HK2: variants seen among roughly 807,000 people sequenced by gnomAD.
HK2 encodes the protein hexokinase 2.
HK2 carries 42 observed loss-of-function variants against 92.9 expected under a neutral mutation model. The observed-to-expected ratio is 0.45, with a 90% CI of 0.35 to 0.58. The LOEUF (loss-of-function observed/expected upper bound fraction) is 0.58. Among genes scored for constraint, HK2 ranks in the 20% least tolerant of loss-of-function variants. The pLI is 0.00. For synonymous variants in HK2, 422 were observed against 468.0 expected (o/e 0.90, Z 1.27); for missense variants, 978 against 1,245.1 (o/e 0.79, Z 3.23).
At chr2:74,875,957 G>T (rs910640501) in intron 7 of HK2, among the ~76,000 whole-genome samples, 2 of 152,154 alleles carry the variant, frequency 1.3e-5, no homozygotes, top group Non-Finnish European at 2.9e-5. Context: ...GACAATTTTT[G>T]TCCCCTCTAA....
intron 2 of HK2, among the ~76,000 whole-genome samples, chr2:74,858,051 C>T (rs1688733966): frequency 1.3e-5 from 2 of 152,186 alleles, no homozygotes; most frequent in Non-Finnish European, 2.9e-5. Flanking sequence ...GAAACCAAAC[C>T]CCAGATCTAG....
rs779361952 is a variant in HK2 at position 74,890,791 on chromosome 2, T to C, written c.2610-6T>C. ...TTTTCCTGTGTCTTCCTCCCACCTT[T>C]TCCAGCTTTGCCAAAGTCATGCATG... is the stretch of plus-strand genomic sequence containing the variant. On this transcript the variant is annotated splice_region_variant and splice_polypyrimidine_tract_variant and intron_variant, in intron 17 of 17. Coordinates refer to ENST00000290573, the MANE Select transcript of HK2 (RefSeq NM_000189.5). 6.2e-7 allele frequency: 1 copy of C among 1,614,190 alleles called. No individual in the cohort carries two copies. Among genetic ancestry groups the C allele is most frequent in the East Asian group, 2.2e-5 (1 of 44,886 alleles).
intron 1 of HK2, among the ~76,000 whole-genome samples, chr2:74,841,320 G>C (rs1423276410): frequency 1.3e-5 from 2 of 151,634 alleles, no homozygotes; most frequent in Non-Finnish European, 2.9e-5. Flanking sequence ...GTGAGTGTGT[G>C]TTACTGATAT....
At chr2:74,849,918 A>T (rs1688527428) in intron 1 of HK2, among the ~76,000 whole-genome samples, 1 of 152,230 alleles carries the variant, frequency 6.6e-6, no homozygotes, top group Non-Finnish European at 1.5e-5. Flanking sequence ...CTACAAATCA[A>T]GGGTTGACCT....
chr2:74,835,516 G>GCCATA (rs1688140904), intron 1 of HK2, among the ~76,000 whole-genome samples: 5 of 152,206 alleles, frequency 3.3e-5, no homozygotes, highest in Non-Finnish European at 7.3e-5. Context: ...AGCTCCCTAT[G>GCCATA]GCTGAGCGCT....
rs746511742 is a variant in HK2 at position 74,890,838 on chromosome 2, C to T, written c.2651C>T (p.Pro884Leu). 16 of 1,614,128 alleles carry T rather than the reference C, an allele frequency of 9.9e-6. No homozygotes were observed. The highest frequency in any genetic ancestry group is 6.7e-5 in the East Asian group (3 of 44,886). Reference sequence around the variant, plus strand: ...CATGAGACAGTGAAGGACCTGGCTCCGAAATGTGATGTGTCTTTCCTGCAG... The same window carrying T: ...CATGAGACAGTGAAGGACCTGGCTCTGAAATGTGATGTGTCTTTCCTGCAG... ...VMHETVKDLA[P>L]KCDVSFLQSE... The change falls in exon 18 of 18, where the codon CCG (proline) becomes CTG (leucine). Residue 884 changes from proline (P) to leucine (L), a missense_variant. Physicochemically the swap from Pro to Leu is moderately conservative, Grantham distance 98. Coordinates refer to ENST00000290573, the MANE Select transcript of HK2 (RefSeq NM_000189.5).
chr2:74,850,765 C>T lies in HK2; in HGVS notation c.64-3528C>T, dbSNP rs13398307. On this transcript the variant is annotated intron_variant, in intron 1 of 17. Transcript: ENST00000290573. ...GCTTCTTGTTTCTGACTTCTGCTTC[C>T]CTTGGCTACCAACACAGCAGTGCCT... Among the ~76,000 whole-genome samples the T allele has an allele frequency of 1.1e-3, 161 of 152,240 alleles. 2 individuals carry two copies. The highest frequency in any genetic ancestry group is 3.7e-3 in the African/African-American group (152 of 41,528).
At chr2:74,843,810 T>C (rs1253195300) in intron 1 of HK2, among the ~76,000 whole-genome samples, 1 of 152,212 alleles carries the variant, frequency 6.6e-6, no homozygotes, top group Non-Finnish European at 1.5e-5. Flanking sequence ...CACTTTTCCT[T>C]CTTTCCCATT....
At chr2:74,890,395 C>A (rs1478089675) in intron 17 of HK2, among the ~76,000 whole-genome samples, 1 of 152,222 alleles carries the variant, frequency 6.6e-6, no homozygotes, top group Non-Finnish European at 1.5e-5. Context: ...AATAGAAAAT[C>A]ACATTCATGA....
chr2:74,860,363 C>T (rs634849), intron 2 of HK2, among the ~76,000 whole-genome samples: 26,513 of 152,114 alleles, frequency 0.17, 2,446 homozygotes, highest in East Asian at 0.31. Flanking sequence ...CATCAAGATA[C>T]AGAACATTAC....
chr2:74,877,684 G>T (rs1689267957), intron 8 of HK2, among the ~76,000 whole-genome samples: 1 of 152,068 alleles, frequency 6.6e-6, no homozygotes, highest in Non-Finnish European at 1.5e-5. Flanking sequence ...ATTCCCTATT[G>T]GCAATTCTCA....
Position 74,834,752 on chromosome 2 carries a change from T to C in HK2, c.63+109T>C. 8.0e-7 allele frequency: 1 copy of C among 1,255,106 alleles called. No homozygotes were observed. The highest frequency in any genetic ancestry group is 1.2e-6 in the Non-Finnish European group (1 of 860,904). 77.7% of individuals were successfully genotyped at this position (1,255,106 alleles called of 1,614,324 possible). On this transcript the variant is annotated intron_variant, in intron 1 of 17. Transcript: ENST00000290573. The surrounding 1 kb of genome is among the most constrained non-coding windows in gnomAD (Gnocchi z 4.2). ...ACCCGCTTCCTCCCTACTCCGGGCCTGGGAGCGGAAAAAGTTTGGGCAGCC... is the reference window on the plus strand; with the variant it reads ...ACCCGCTTCCTCCCTACTCCGGGCCCGGGAGCGGAAAAAGTTTGGGCAGCC...
In HK2 at chr2:74,867,770, G is replaced by A. The variant is rs748147796; in HGVS notation, c.361G>A (p.Gly121Ser). ...IYAIPEDIMR[G>S]SGTQLFDHIA... ...TGCCATCCCTGAGGACATCATGCGA[G>A]GCAGTGGCACCCAGGTATGACCCTT... The change falls in exon 3 of 18, where the codon GGC (glycine) becomes AGC (serine). Residue 121 changes from glycine to serine, a missense_variant. Physicochemically the swap from Gly to Ser is moderately conservative, Grantham distance 56. This residue lies in a region of HK2 where 189 missense variants were observed against 289.5 expected (regional missense o/e 0.65). Transcript: ENST00000290573. The A allele has an allele frequency of 6.2e-7, 1 of 1,614,152 alleles. No individual in the cohort carries two copies. Among genetic ancestry groups the A allele is most frequent in the South Asian group, 1.1e-5 (1 of 91,068 alleles).
chr2:74,880,899 TA>T (rs1689374465), intron 10 of HK2, among the ~76,000 whole-genome samples: 1 of 152,232 alleles, frequency 6.6e-6, no homozygotes. Context: ...GCAGAGAAGT[TA>T]AGACACCTGC....
At position 74,834,128 on chromosome 2, in the gene HK2, C is replaced by A. The variant is rs1688084267; in HGVS notation, c.-453C>A. 3.0e-6 allele frequency: 1 copy of A among 329,868 alleles called. No homozygotes were observed. The highest frequency in any genetic ancestry group is 6.0e-6 in the Non-Finnish European group (1 of 167,178). 20.4% of individuals were successfully genotyped at this position (329,868 alleles called of 1,614,324 possible). A position where few individuals can be genotyped will look rare whatever the true frequency, so the allele number is the denominator to read the frequency against. On this transcript the variant is annotated 5_prime_UTR_variant, in exon 1 of 18. Transcript: ENST00000290573. This position sits in a 1 kb window ranked among gnomAD's most constrained non-coding sequence, Gnocchi z 4.2. ...GGGCCGGCAGCCCCTCAATAAGCCA[C>A]ATTGTTGCATGAAACTCCGGCGCAG...
intron 16 of HK2, among the ~76,000 whole-genome samples, chr2:74,888,494 C>G (rs1376558271): frequency 1.3e-5 from 2 of 152,246 alleles, no homozygotes; most frequent in Non-Finnish European, 2.9e-5. Flanking sequence ...ACATGCCACA[C>G]AGTGGCTCAT....
rs776842841 is a variant in HK2 at position 74,882,152 on chromosome 2, C to T, written c.1752C>T (p.Asp584=). 6.2e-7 allele frequency: 1 copy of T among 1,614,244 alleles called. No individual in the cohort carries two copies. Among genetic ancestry groups the T allele is most frequent in the Non-Finnish European group, 8.5e-7 (1 of 1,180,038 alleles). The part of the protein sequence containing the change: ...LFDHIVQCIA[D]FLEYMGMKGV... The stretch of plus-strand genomic sequence containing the variant: ...ACCACATTGTCCAGTGCATCGCGGA[C>T]TTCCTCGAGTACATGGGCATGAAGG... The change falls in exon 12 of 18, where the codon GAC becomes GAT. Residue 584 remains aspartate (D), a synonymous_variant. Transcript: ENST00000290573.
chr2:74,862,406 T>C (rs1404343836), intron 2 of HK2, among the ~76,000 whole-genome samples: 1 of 152,234 alleles, frequency 6.6e-6, no homozygotes, highest in Non-Finnish European at 1.5e-5. Flanking sequence ...TGGTCCTCTG[T>C]GCAGCAGCAG....
At chr2:74,871,987 T>A (rs1434550777) in intron 3 of HK2, among the ~76,000 whole-genome samples, 1 of 152,200 alleles carries the variant, frequency 6.6e-6, no homozygotes, top group South Asian at 2.1e-4. Context: ...CTGATTAATG[T>A]TGGCCATGAT....
Sources: allele counts gnomAD v4.1 joint callset (sites outside exome capture counted in the v4.1 genomes callset), GRCh38; gene constraint gnomAD v4.1.1; regional missense constraint gnomAD v4.1.1; non-coding constraint Gnocchi (gnomAD v3.1); transcripts MANE v1.5; gene names NCBI Gene and HGNC (gene_info 2026-07-23, HGNC 2026-07-21).